The following MRPL48 variants were observed in gnomAD, a reference collection of about 807,000 sequenced individuals.
MRPL48 encodes large ribosomal subunit protein mL48.
In MRPL48, 16 loss-of-function variants were observed where a neutral mutation model predicts 32.9. The ratio of observed to expected loss-of-function variants is 0.49; its 90% CI spans 0.33 to 0.74. The LOEUF (loss-of-function observed/expected upper bound fraction) is 0.74, where lower values mean the gene tolerates loss of function less well. Ranked by LOEUF, MRPL48 falls within the 30% of genes least tolerant of loss-of-function variation. The pLI is 0.02. For synonymous variants in MRPL48, 94 were observed against 89.2 expected (o/e 1.05, Z -0.31); for missense variants, 206 against 245.3 (o/e 0.84, Z 1.07).
In MRPL48 at chr11:73,825,007, C is replaced by T. The variant is rs567033726; in HGVS notation, c.113-701C>T. On this transcript the variant is annotated intron_variant, in intron 3 of 7. Coordinates refer to ENST00000310614, the MANE Select transcript of MRPL48 (RefSeq NM_016055.6). ...CAGTCCTGCAGTGGAGAATTTGTCC[C>T]CTCAAATCATCTGCTGTTCCCAGAG... is the stretch of plus-strand genomic sequence containing the variant. Among the ~76,000 whole-genome samples the T allele has an allele frequency of 2.4e-4, 37 of 152,236 alleles. No homozygotes were observed. In the South Asian group the frequency reaches 6.6e-3, roughly 27 times the overall value.
chr11:73,813,015 T>C (rs1488473826), intron 3 of MRPL48, among the ~76,000 whole-genome samples: 6 of 151,530 alleles, frequency 4.0e-5, no homozygotes, highest in Non-Finnish European at 7.4e-5. Flanking sequence ...TCTCCCATAG[T>C]GCTAAGATTA....
intron 3 of MRPL48, among the ~76,000 whole-genome samples, chr11:73,825,284 A>ATATATGTGTGTGTGTGTG (rs146232365): frequency 1.4e-5 from 2 of 139,912 alleles, no homozygotes; most frequent in Non-Finnish European, 3.1e-5. Flanking sequence ...TTTTTTATAT[A>ATATATGTGTGTGTGTGTG]TGTGTGTGTG....
intron 3 of MRPL48, among the ~76,000 whole-genome samples, chr11:73,822,288 C>A (rs1372518327): frequency 6.6e-6 from 1 of 152,126 alleles, no homozygotes; most frequent in African/African-American, 2.4e-5. Flanking sequence ...CTGCACCCTG[C>A]ACCCCCACCC....
At chr11:73,834,004 G>T (rs1432740647) in intron 4 of MRPL48, among the ~76,000 whole-genome samples, 1 of 151,892 alleles carries the variant, frequency 6.6e-6, no homozygotes, top group African/African-American at 2.4e-5. Flanking sequence ...TTATAGGTGC[G>T]CCCCACCACA....
intron 1 of MRPL48, among the ~76,000 whole-genome samples, chr11:73,797,185 C>T (rs116246873): frequency 5.9e-4 from 90 of 152,296 alleles, no homozygotes; most frequent in African/African-American, 2.1e-3. Flanking sequence ...GACATTCAGA[C>T]GACCTGCCTG....
chr11:73,846,138 A>G (rs1317736416), intron 5 of MRPL48, among the ~76,000 whole-genome samples: 2 of 150,734 alleles, frequency 1.3e-5, no homozygotes, highest in African/African-American at 4.9e-5. Flanking sequence ...ATAACTGCCC[A>G]TTCCTTCCTC....
chr11:73,836,544 T>G (rs1471277788), intron 4 of MRPL48, among the ~76,000 whole-genome samples: 1 of 152,138 alleles, frequency 6.6e-6, no homozygotes, highest in Non-Finnish European at 1.5e-5. Context: ...AAGTACTATG[T>G]GCCAGGCTTT....
At chr11:73,861,940 G>A (rs573079070) in intron 6 of MRPL48, among the ~76,000 whole-genome samples, 33 of 152,176 alleles carry the variant, frequency 2.2e-4, no homozygotes, top group Non-Finnish European at 4.1e-4. Flanking sequence ...TTAGCACAGC[G>A]TTTGACACCA....
chr11:73,855,295 C>T (rs2511262), intron 5 of MRPL48, among the ~76,000 whole-genome samples: 12,011 of 151,636 alleles, frequency 0.079, 652 homozygotes, highest in African/African-American at 0.16. Context: ...TTCCCACTCC[C>T]GTAGGATCAC....
intron 1 of MRPL48, among the ~76,000 whole-genome samples, chr11:73,804,069 G>A (rs1185066726): frequency 3.3e-5 from 5 of 149,556 alleles, no homozygotes; most frequent in African/African-American, 9.9e-5. Flanking sequence ...ACATATGCCC[G>A]CCACCATGCC....
intron 2 of MRPL48, 66 bp from the exon 3 acceptor site, chr11:73,808,247 T>G (rs931501469): frequency 2.1e-6 from 3 of 1,459,770 alleles, no homozygotes; most frequent in Non-Finnish European, 2.8e-6. Context: ...AATATAAATT[T>G]TGCAAACTAT....
intron 1 of MRPL48, among the ~76,000 whole-genome samples, chr11:73,790,544 C>T (rs537707736): frequency 2.6e-5 from 4 of 151,580 alleles, no homozygotes; most frequent in African/African-American, 9.7e-5. Flanking sequence ...GCCACCACAC[C>T]TGGCTAATTT....
intron 1 of MRPL48, among the ~76,000 whole-genome samples, chr11:73,801,342 C>T (rs1052754004): frequency 6.6e-6 from 1 of 152,156 alleles, no homozygotes. Context: ...TTAGAGTCCT[C>T]TGATCTAACT....
At chr11:73,809,875 CAT>C (rs1415660618) in intron 3 of MRPL48, among the ~76,000 whole-genome samples, 4 of 152,216 alleles carry the variant, frequency 2.6e-5, no homozygotes, top group African/African-American at 9.7e-5. Context: ...AGAGGCTTTA[CAT>C]ATGTTAATTA....
intron 3 of MRPL48, among the ~76,000 whole-genome samples, chr11:73,824,631 T>G (rs1175981179): frequency 6.6e-6 from 1 of 152,084 alleles, no homozygotes; most frequent in Non-Finnish European, 1.5e-5. Context: ...CTCTTCCTCT[T>G]TGCTGGCTAT....
At chr11:73,824,365 G>A (rs1446949176) in intron 3 of MRPL48, among the ~76,000 whole-genome samples, 3 of 151,766 alleles carry the variant, frequency 2.0e-5, no homozygotes, top group South Asian at 2.1e-4. Context: ...CGAGGTGGGC[G>A]AATCATGAGG....
intron 5 of MRPL48, among the ~76,000 whole-genome samples, chr11:73,849,708 T>C (rs1354660481): frequency 6.6e-6 from 1 of 152,220 alleles, no homozygotes; most frequent in Non-Finnish European, 1.5e-5. Context: ...AAAACCACTA[T>C]AAATATGTAC....
chr11:73,805,210 T>C (rs1947427076), intron 2 of MRPL48, 131 bp downstream of exon 2: 6 of 684,748 alleles, frequency 8.8e-6, no homozygotes, highest in East Asian at 5.7e-5. Context: ...GCCACCTTGC[T>C]CCTTCCCCAT....
intron 3 of MRPL48, among the ~76,000 whole-genome samples, chr11:73,823,807 G>A (rs1947830755): frequency 6.6e-6 from 1 of 150,940 alleles, no homozygotes; most frequent in Non-Finnish European, 1.5e-5. Flanking sequence ...ACAGACACAT[G>A]CTACCACTAT....
Sources: allele counts gnomAD v4.1 joint callset (sites outside exome capture counted in the v4.1 genomes callset), GRCh38; gene constraint gnomAD v4.1.1; transcripts MANE v1.5; gene names NCBI Gene and HGNC (gene_info 2026-07-23, HGNC 2026-07-21).